RBFOX1: variants seen among roughly 807,000 people sequenced by gnomAD.
RBFOX1 encodes the protein RNA binding protein fox-1 homolog 1.
In RBFOX1, 8 loss-of-function variants were observed where a neutral mutation model predicts 57.7. That is an observed-to-expected ratio of 0.14 (90% CI 0.08 to 0.25). RBFOX1 has a LOEUF of 0.25. RBFOX1 is among the 10% of genes least tolerant of loss of function. RBFOX1 has a pLI of 1.00. For synonymous variants in RBFOX1, 326 were observed against 222.4 expected, an observed-to-expected ratio of 1.47 and a Z score of -4.15; for missense variants, 611 against 548.5, an observed-to-expected ratio of 1.11 and a Z score of -1.14.
In RBFOX1 at chr16:6,334,738, T is replaced by A. The variant is rs540687341; in HGVS notation, c.-64+17681T>A. Reference sequence around the variant, plus strand: ...TCCCTGTAGTTCTGTTGAGAATTCATTGGAACTCAGCCGGAAAGTGCTGAG... The same window carrying A: ...TCCCTGTAGTTCTGTTGAGAATTCAATGGAACTCAGCCGGAAAGTGCTGAG... On this transcript the variant is annotated intron_variant, in intron 2 of 15. Transcript: ENST00000550418. Among the ~76,000 whole-genome samples the A allele has an allele frequency of 2.8e-4, 43 of 152,244 alleles. No individual in the cohort carries two copies. The South Asian group carries it at 8.3e-3, about 29-fold the overall frequency.
In RBFOX1 at chr16:7,151,374, C is replaced by T. The variant is rs147157757; in HGVS notation, c.27+99276C>T. Among the ~76,000 whole-genome samples the T allele has an allele frequency of 4.4e-3, 665 of 152,196 alleles. 2 individuals are homozygous for T. The highest frequency in any genetic ancestry group is 0.015 in the African/African-American group (637 of 41,510). ...TTATTGGCTCATGAAATTAGGACTG[C>T]AAAAGATATGTTGTCTTCAAGCAGG... On this transcript the variant is annotated intron_variant, in intron 4 of 15. Coordinates refer to ENST00000550418, the MANE Select transcript of RBFOX1 (RefSeq NM_018723.4).
chr16:6,756,724 C>T (rs566913852), intron 3 of RBFOX1, among the ~76,000 whole-genome samples: 1 of 152,224 alleles, frequency 6.6e-6, no homozygotes, highest in South Asian at 2.1e-4. Flanking sequence ...GTAATCCCAA[C>T]ACTTTGGGAG....
chr16:6,049,778 T>C (rs1362064189), intron 1 of RBFOX1, among the ~76,000 whole-genome samples: 2 of 152,174 alleles, frequency 1.3e-5, no homozygotes, highest in East Asian at 3.8e-4. Context: ...CATTTCCCCT[T>C]GCCCCACATT....
intron 4 of RBFOX1, among the ~76,000 whole-genome samples, chr16:7,279,742 G>C (rs1420097345): frequency 6.6e-6 from 1 of 152,194 alleles, no homozygotes; most frequent in African/African-American, 2.4e-5. Context: ...TGCCTGACCT[G>C]AATGAGTGCT....
intron 4 of RBFOX1, among the ~76,000 whole-genome samples, chr16:7,188,215 T>C (rs1379559147): frequency 6.6e-6 from 1 of 152,214 alleles, no homozygotes; most frequent in Non-Finnish European, 1.5e-5. Flanking sequence ...CCTGAGCCTG[T>C]GTGCATTCTG....
chr16:5,303,258 C>T (rs1012035611), intron 1 of RBFOX1, among the ~76,000 whole-genome samples: 1 of 152,152 alleles, frequency 6.6e-6, no homozygotes, highest in African/African-American at 2.4e-5. Flanking sequence ...TAGCACAGGG[C>T]ACATTGGATA....
intron 4 of RBFOX1, among the ~76,000 whole-genome samples, chr16:7,168,445 C>A (rs897341246): frequency 1.3e-5 from 2 of 152,132 alleles, no homozygotes; most frequent in Admixed American, 6.5e-5. Context: ...CATGTGAATT[C>A]GTGAACCTCA....
intron 4 of RBFOX1, among the ~76,000 whole-genome samples, chr16:7,140,724 G>C (rs898587743): frequency 1.3e-5 from 2 of 152,194 alleles, no homozygotes; most frequent in Non-Finnish European, 2.9e-5. Context: ...TTGGAACTGG[G>C]AGTGAGAGAC....
At chr16:7,329,767 C>G (rs1250837435) in intron 4 of RBFOX1, among the ~76,000 whole-genome samples, 1 of 152,116 alleles carries the variant, frequency 6.6e-6, no homozygotes, top group African/African-American at 2.4e-5. Context: ...ATATTTGTAA[C>G]TCAAGAACAG....
intron 3 of RBFOX1, among the ~76,000 whole-genome samples, chr16:6,698,766 C>G (rs531643321): frequency 2.0e-5 from 3 of 152,166 alleles, no homozygotes; most frequent in African/African-American, 4.8e-5. Context: ...TTTCCTCCCC[C>G]ACGGTTTGAC....
intron 1 of RBFOX1, among the ~76,000 whole-genome samples, chr16:6,267,232 A>G (rs566250155): frequency 6.6e-6 from 1 of 152,316 alleles, no homozygotes; most frequent in African/African-American, 2.4e-5. Context: ...TTTGGAGTAT[A>G]TGGGCAGAAA....
chr16:6,203,031 T>C (rs2097225911), intron 1 of RBFOX1, among the ~76,000 whole-genome samples: 1 of 152,030 alleles, frequency 6.6e-6, no homozygotes, highest in African/African-American at 2.4e-5. Context: ...CTGCTTCAGC[T>C]TCCCAGAGTG....
chr16:5,688,273 A>G (rs1351639267), intron 3 of RBFOX1, among the ~76,000 whole-genome samples: 1 of 152,186 alleles, frequency 6.6e-6, no homozygotes, highest in African/African-American at 2.4e-5. Context: ...TGGCATGACA[A>G]TTTATTTTGT....
At chr16:7,040,888 T>TG (rs59400631) in intron 3 of RBFOX1, among the ~76,000 whole-genome samples, 14,177 of 148,820 alleles carry the variant, frequency 0.095, 1,089 homozygotes, top group East Asian at 0.32. Flanking sequence ...TAAATAAAGT[T>TG]TTTTTTTTGT....
intron 1 of RBFOX1, among the ~76,000 whole-genome samples, chr16:6,093,907 C>T (rs978061550): frequency 2.6e-5 from 4 of 152,076 alleles, no homozygotes; most frequent in African/African-American, 9.7e-5. Flanking sequence ...GACTGGAGCC[C>T]CTGTGCCCTG....
In RBFOX1 at chr16:6,398,429, C is replaced by G. The variant is rs1596586337; in HGVS notation, c.-64+81372C>G. Among the ~76,000 whole-genome samples, 5 of 152,046 alleles carry G rather than the reference C, an allele frequency of 3.3e-5. No individual in the cohort carries two copies. The East Asian group carries it at 9.7e-4, about 29-fold the overall frequency. ...TCCAAGTCAAAAGTCTCATCTGAGA[C>G]AAAGTAACTCTGTTCTGCCTATGAG... On this transcript the variant is annotated intron_variant, in intron 2 of 15. Coordinates refer to ENST00000550418, the MANE Select transcript of RBFOX1 (RefSeq NM_018723.4).
intron 1 of RBFOX1, among the ~76,000 whole-genome samples, chr16:5,349,571 G>A (rs1596610611): frequency 6.6e-6 from 1 of 151,132 alleles, no homozygotes; most frequent in East Asian, 2.0e-4. Flanking sequence ...TACTCAGGAG[G>A]CGGAGGCAGG....
At chr16:6,620,146 C>T (rs2098206796) in intron 2 of RBFOX1, among the ~76,000 whole-genome samples, 3 of 152,088 alleles carry the variant, frequency 2.0e-5, no homozygotes, top group South Asian at 4.1e-4. Context: ...TCATAACAAA[C>T]AGTCTCTTGC....
intron 2 of RBFOX1, among the ~76,000 whole-genome samples, chr16:5,528,907 C>T (rs1327855009): frequency 6.6e-6 from 1 of 152,124 alleles, no homozygotes; most frequent in African/African-American, 2.4e-5. Context: ...GCTTCGGCCT[C>T]CCAAAGTGCT....
Sources: gnomAD v4.1 joint callset for allele counts (sites outside exome capture counted in the v4.1 genomes callset) on GRCh38, gnomAD v4.1.1 for gene constraint, MANE v1.5 for transcripts, NCBI Gene and HGNC (gene_info 2026-07-23, HGNC 2026-07-21) for gene names.